The following TSHZ2 variants were observed in gnomAD, a reference collection of about 807,000 sequenced individuals.
The protein encoded by TSHZ2 is teashirt zinc finger homeobox 2.
A neutral mutation model predicts 74.4 loss-of-function variants in TSHZ2; 21 were observed. That is an observed-to-expected ratio of 0.28 (90% CI 0.20 to 0.41). The LOEUF (loss-of-function observed/expected upper bound fraction) is 0.41, where lower values mean the gene tolerates loss of function less well. Among genes scored for constraint, TSHZ2 ranks in the 10% least tolerant of loss-of-function variants. The probability of loss-of-function intolerance (pLI) is 1.00; values close to 1 mark genes in which losing one functional copy is unlikely to be tolerated. For missense variants in TSHZ2, 1,244 were observed against 1,293.5 expected (o/e 0.96, Z 0.59); for synonymous variants, 540 against 515.3 (o/e 1.05, Z -0.65).
At chr20:52,983,613 G>C (rs2122886247) in intron 1 of TSHZ2, among the ~76,000 whole-genome samples, 1 of 152,328 alleles carries the variant, frequency 6.6e-6, no homozygotes, top group South Asian at 2.1e-4. Flanking sequence ...GCAAATCCTA[G>C]CTGTTCTTAG....
At chr20:53,397,511 C>CT (rs1274161262) in intron 2 of TSHZ2, 3 of 152,208 alleles carry the variant, frequency 2.0e-5, no homozygotes, top group African/African-American at 7.2e-5. Flanking sequence ...AATAGGAACA[C>CT]TTTTACACTG....
intron 1 of TSHZ2, among the ~76,000 whole-genome samples, chr20:53,020,176 G>A (rs2741368): frequency 0.019 from 2,867 of 152,300 alleles, 56 homozygotes; most frequent in Non-Finnish European, 0.029. Context: ...GACATGTGGG[G>A]ATTACAATTC....
intron 1 of TSHZ2, among the ~76,000 whole-genome samples, chr20:53,100,706 C>T (rs755029446): frequency 3.3e-5 from 5 of 152,192 alleles, no homozygotes; most frequent in African/African-American, 2.4e-5. Flanking sequence ...CAACCCTTCT[C>T]TCCTGCCTCT....
chr20:53,414,887 A>G (rs1983181372), intron 2 of TSHZ2, among the ~76,000 whole-genome samples: 2 of 152,152 alleles, frequency 1.3e-5, no homozygotes, highest in Non-Finnish European at 2.9e-5. Flanking sequence ...ACCTAAGATA[A>G]GCCATGTCAC....
At chr20:53,100,387 C>T (rs185464562) in intron 1 of TSHZ2, among the ~76,000 whole-genome samples, 97 of 152,230 alleles carry the variant, frequency 6.4e-4, no homozygotes, top group Middle Eastern at 3.4e-3. Context: ...GCTTTCTTTC[C>T]CCCATTAATA....
chr20:53,446,928 G>T (rs1196663909), intron 2 of TSHZ2, among the ~76,000 whole-genome samples: 2 of 152,168 alleles, frequency 1.3e-5, no homozygotes, highest in East Asian at 3.9e-4. Flanking sequence ...GCCCCTAAGA[G>T]CCTTCCTCCC....
chr20:53,441,265 ATTTT>A lies in TSHZ2; in HGVS notation c.*9-45878_*9-45875del, dbSNP rs1568918621. 6.1e-3 allele frequency among the ~76,000 whole-genome samples: 776 copies of A among 128,104 alleles called. 13 individuals carry two copies. Among genetic ancestry groups the A allele is most frequent in the African/African-American group, 0.022 (714 of 32,262 alleles). The allele number at this position is 128,104 out of a possible 152,430, so 84.0% of individuals were successfully genotyped here. A position where few individuals can be genotyped will look rare whatever the true frequency, so the allele number is the denominator to read the frequency against. ...ATTTTATTTTATTTTATTTTATTTT[ATTTT>A]ATTTTATTTATTTTGAGATGGAGTC... On this transcript the variant is annotated intron_variant, in intron 2 of 2. Coordinates refer to ENST00000371497, the MANE Select transcript of TSHZ2 (RefSeq NM_173485.6).
chr20:53,248,185 C>G (rs1248301409), intron 1 of TSHZ2, among the ~76,000 whole-genome samples: 2 of 152,154 alleles, frequency 1.3e-5, no homozygotes, highest in Non-Finnish European at 2.9e-5. Flanking sequence ...ATCCTCCCAC[C>G]ACAGCCACCC....
chr20:53,175,225 T>G (rs111297189), intron 1 of TSHZ2, among the ~76,000 whole-genome samples: 1 of 138,180 alleles, frequency 7.2e-6, no homozygotes, highest in Admixed American at 7.7e-5. Context: ...TGCTGCAACC[T>G]CCTCTTCCCA....
intron 1 of TSHZ2, among the ~76,000 whole-genome samples, chr20:53,098,529 A>G (rs1444500884): frequency 6.6e-6 from 1 of 152,220 alleles, no homozygotes; most frequent in Non-Finnish European, 1.5e-5. Context: ...GCAATTGCAT[A>G]CTGTTTTCTA....
chr20:53,301,857 T>TC (rs1349614467), intron 2 of TSHZ2, among the ~76,000 whole-genome samples: 17 of 152,224 alleles, frequency 1.1e-4, no homozygotes, highest in Non-Finnish European at 1.5e-5. Context: ...AGTATATGTT[T>TC]GAAAAGGCAC....
chr20:53,432,052 C>A (rs559323402), intron 2 of TSHZ2, among the ~76,000 whole-genome samples: 4 of 152,194 alleles, frequency 2.6e-5, no homozygotes, highest in Non-Finnish European at 5.9e-5. Context: ...ATATAGTAGT[C>A]AAGTCTGAAA....
intron 1 of TSHZ2, among the ~76,000 whole-genome samples, chr20:53,010,156 G>T (rs1982797176): frequency 6.6e-6 from 1 of 152,108 alleles, no homozygotes; most frequent in African/African-American, 2.4e-5. Flanking sequence ...ATTGCCTCAG[G>T]CTGGATGCTG....
chr20:53,256,170 G>T lies in TSHZ2; in HGVS notation c.2712G>T (p.Lys904Asn), dbSNP rs777995793. The T allele has an allele frequency of 6.2e-7, 1 of 1,612,860 alleles. No homozygotes were observed. Among genetic ancestry groups the T allele is most frequent in the Non-Finnish European group, 8.5e-7 (1 of 1,179,124 alleles). Residue 904 changes from lysine (K) to asparagine (N), a missense_variant, in exon 2 of 3, where the codon AAG (lysine) becomes AAT (asparagine). Lys to Asn is a moderately conservative substitution (Grantham distance 94). Coordinates refer to ENST00000371497, the MANE Select transcript of TSHZ2 (RefSeq NM_173485.6). The surrounding 1 kb of genome is among the most constrained non-coding windows in gnomAD (Gnocchi z 4.3). ...TTISHWLANV[K>N]YQLRKTGGTK... ...TCAGTCACTGGCTGGCCAACGTCAA[G>T]TACCAGCTTAGGAAAACGGGCGGGA... is the stretch of plus-strand genomic sequence containing the variant.
chr20:53,082,188 C>G (rs1985557150), intron 1 of TSHZ2, among the ~76,000 whole-genome samples: 2 of 152,134 alleles, frequency 1.3e-5, no homozygotes, highest in Admixed American at 1.3e-4. Flanking sequence ...TCAAGATGAC[C>G]CACACAACTC....
intron 2 of TSHZ2, among the ~76,000 whole-genome samples, chr20:53,295,873 A>G (rs1991368703): frequency 6.6e-6 from 1 of 152,108 alleles, no homozygotes; most frequent in Admixed American, 6.6e-5. Context: ...AATTTAAAAC[A>G]GCCATCTTTC....
intron 2 of TSHZ2, among the ~76,000 whole-genome samples, chr20:53,391,463 T>C (rs1054536853): frequency 2.0e-5 from 3 of 151,384 alleles, no homozygotes; most frequent in African/African-American, 7.3e-5. Context: ...TGTTTGTTTG[T>C]TTGTTTTTTG....
intron 1 of TSHZ2, among the ~76,000 whole-genome samples, chr20:53,013,774 A>T (rs1982936471): frequency 6.6e-6 from 1 of 152,220 alleles, no homozygotes; most frequent in African/African-American, 2.4e-5. Context: ...TTATTTAAGC[A>T]TCAGTGATAG....
chr20:53,290,354 C>T (rs1991256036), intron 2 of TSHZ2, among the ~76,000 whole-genome samples: 1 of 151,938 alleles, frequency 6.6e-6, no homozygotes, highest in African/African-American at 2.4e-5. Flanking sequence ...ATCATCCAAA[C>T]CTTAGCTTAC....
Sources: allele counts gnomAD v4.1 joint callset (sites outside exome capture counted in the v4.1 genomes callset), GRCh38; gene constraint gnomAD v4.1.1; non-coding constraint Gnocchi (gnomAD v3.1); transcripts MANE v1.5; gene names NCBI Gene and HGNC (gene_info 2026-07-23, HGNC 2026-07-21).